The following PKIA variants were observed in gnomAD, a reference collection of about 807,000 sequenced individuals.
The protein encoded by PKIA is cAMP-dependent protein kinase inhibitor alpha.
A neutral mutation model predicts 7.6 loss-of-function variants in PKIA; 4 were observed. The observed-to-expected ratio is 0.52, with a 90% CI of 0.26 to 1.20. PKIA has a LOEUF of 1.20. Among genes scored for constraint, PKIA ranks in the 50% most tolerant of loss-of-function variants. The pLI is 0.13. For synonymous variants in PKIA, 21 were observed against 30.7 expected (o/e 0.68, Z 1.04); for missense variants, 73 against 86.2 (o/e 0.85, Z 0.61).
intron 2 of PKIA, among the ~76,000 whole-genome samples, chr8:78,590,299 A>C (rs1808063423): frequency 6.6e-6 from 1 of 151,990 alleles, no homozygotes; most frequent in African/African-American, 2.4e-5. Flanking sequence ...AAAAAAAAGA[A>C]AAAGAAAAAA....
intron 1 of PKIA, among the ~76,000 whole-genome samples, chr8:78,531,541 C>A (rs547911321): frequency 6.6e-6 from 1 of 152,168 alleles, no homozygotes; most frequent in East Asian, 1.9e-4. Context: ...AAATGAATTT[C>A]TCCTAACAGC....
chr8:78,598,927 C>T (rs7822892), intron 3 of PKIA, among the ~76,000 whole-genome samples: 12,378 of 151,984 alleles, frequency 0.081, 548 homozygotes, highest in Middle Eastern at 0.095. Context: ...ACAAGATTCA[C>T]AGGTAATTCT....
chr8:78,522,383 G>A (rs979678051), intron 1 of PKIA, among the ~76,000 whole-genome samples: 3 of 151,920 alleles, frequency 2.0e-5, no homozygotes, highest in South Asian at 2.1e-4. Context: ...TGCTTGGAGT[G>A]GAATTATTGG....
intron 1 of PKIA, among the ~76,000 whole-genome samples, chr8:78,544,000 G>A (rs1283437497): frequency 6.6e-6 from 1 of 152,032 alleles, no homozygotes; most frequent in Non-Finnish European, 1.5e-5. Context: ...GATCTTTGTG[G>A]CACTTTTCAT....
At chr8:78,520,792 G>GAA (rs1809401464) in intron 1 of PKIA, among the ~76,000 whole-genome samples, 1 of 152,144 alleles carries the variant, frequency 6.6e-6, no homozygotes, top group Non-Finnish European at 1.5e-5. Context: ...AAATGCAGGT[G>GAA]TTTGTGGATT....
intron 2 of PKIA, among the ~76,000 whole-genome samples, chr8:78,589,769 T>C (rs369071575): frequency 6.6e-6 from 1 of 152,048 alleles, no homozygotes; most frequent in African/African-American, 2.4e-5. Context: ...ATTCATTTTC[T>C]TGAATCTCGA....
rs1808442312 is a variant in PKIA, at chr8:78,605,113, A to G, written c.*3292A>G. 1 of 152,008 alleles carries G rather than the reference A, an allele frequency of 6.6e-6. No individual in the cohort carries two copies. The highest frequency in any genetic ancestry group is 2.4e-5 in the African/African-American group (1 of 41,426). The allele number at this position is 152,008 out of a possible 1,614,324, so 9.4% of individuals were successfully genotyped here. ...ATCAAGTGAAAATAGGAAAGGATCT[A>G]TGATTTATGATGTCTTAATAGACCC... On this transcript the variant is annotated 3_prime_UTR_variant, in exon 4 of 4. Transcript: ENST00000396418.
intron 1 of PKIA, among the ~76,000 whole-genome samples, chr8:78,567,149 T>C (rs1471183545): frequency 6.6e-6 from 1 of 152,168 alleles, no homozygotes; most frequent in African/African-American, 2.4e-5. Context: ...TTCTCATACA[T>C]ACTATACCCA....
chr8:78,529,491 G>A (rs1806340232), intron 1 of PKIA, among the ~76,000 whole-genome samples: 1 of 152,012 alleles, frequency 6.6e-6, no homozygotes, highest in Admixed American at 6.6e-5. Flanking sequence ...CAGTTTTCAA[G>A]TGGATCAGTC....
intron 1 of PKIA, among the ~76,000 whole-genome samples, chr8:78,562,743 T>C (rs1807313933): frequency 6.6e-6 from 1 of 152,112 alleles, no homozygotes. Context: ...TCAATTTGTT[T>C]ACTTATGTAC....
At chr8:78,598,875 G>A (rs1050371278) in intron 3 of PKIA, among the ~76,000 whole-genome samples, 4 of 151,954 alleles carry the variant, frequency 2.6e-5, no homozygotes, top group Non-Finnish European at 4.4e-5. Flanking sequence ...TCCTACCTTT[G>A]ACAATATTGG....
At chr8:78,552,360 T>G (rs1299411894) in intron 1 of PKIA, among the ~76,000 whole-genome samples, 1 of 150,588 alleles carries the variant, frequency 6.6e-6, no homozygotes. Context: ...AGTTGCATAC[T>G]GGAAGGAAGG....
intron 1 of PKIA, among the ~76,000 whole-genome samples, chr8:78,532,829 C>A (rs1806426432): frequency 6.6e-6 from 1 of 151,816 alleles, no homozygotes; most frequent in Non-Finnish European, 1.5e-5. Flanking sequence ...GCATGAGAAC[C>A]ACTTGAACCC....
At chr8:78,540,847 G>A (rs1387513900) in intron 1 of PKIA, among the ~76,000 whole-genome samples, 2 of 151,794 alleles carry the variant, frequency 1.3e-5, no homozygotes, top group Non-Finnish European at 2.9e-5. Flanking sequence ...AGAAAAATTA[G>A]TTTTCTTCCC....
chr8:78,574,268 A>G lies in PKIA; in HGVS notation c.-28+1329A>G, dbSNP rs573917603. On this transcript the variant is annotated intron_variant, in intron 2 of 3. Coordinates refer to ENST00000396418, the MANE Select transcript of PKIA (RefSeq NM_006823.4). ...GCATTTATTATTTCTTTGTGGGGAT[A>G]ACATTCAAAATCTTCTCTTCTAGCT... 2.0e-5 allele frequency among the ~76,000 whole-genome samples: 3 copies of G among 152,184 alleles called. No individual in the cohort carries two copies. The South Asian group carries it at 6.2e-4, about 32-fold the overall frequency.
intron 2 of PKIA, among the ~76,000 whole-genome samples, chr8:78,595,457 G>A (rs1808205046): frequency 6.6e-6 from 1 of 152,042 alleles, no homozygotes; most frequent in African/African-American, 2.4e-5. Context: ...TTTATTTTAG[G>A]TTCAAGGGGT....
chr8:78,556,747 CTA>C (rs1283952339), intron 1 of PKIA: 1 of 152,100 alleles, frequency 6.6e-6, no homozygotes, highest in East Asian at 1.9e-4. Context: ...TGCTATAAAA[CTA>C]TGTTTATGAA....
chr8:78,537,177 G>GT (rs551095426), intron 1 of PKIA, among the ~76,000 whole-genome samples: 10,476 of 139,678 alleles, frequency 0.075, 359 homozygotes, highest in Middle Eastern at 0.11. Flanking sequence ...GTTTAGTTTA[G>GT]TTTTTTTTTT....
chr8:78,586,807 A>G lies in PKIA; in HGVS notation c.-27-11551A>G, dbSNP rs189537199. Among the ~76,000 whole-genome samples, 11 of 152,342 alleles carry G rather than the reference A, an allele frequency of 7.2e-5. No individual in the cohort carries two copies. The East Asian group carries it at 1.7e-3, about 24-fold the overall frequency. Reference sequence around the variant, plus strand: ...TGGAAAATGGTAACTGTAAATGGTTAAATCACCTATTAGTTTCATGACTTA... The same window carrying G: ...TGGAAAATGGTAACTGTAAATGGTTGAATCACCTATTAGTTTCATGACTTA... On this transcript the variant is annotated intron_variant, in intron 2 of 3. Coordinates refer to ENST00000396418, the MANE Select transcript of PKIA (RefSeq NM_006823.4).
Sources: allele counts gnomAD v4.1 joint callset (sites outside exome capture counted in the v4.1 genomes callset), GRCh38; gene constraint gnomAD v4.1.1; transcripts MANE v1.5; gene names NCBI Gene and HGNC (gene_info 2026-07-23, HGNC 2026-07-21).